The following DLGAP4 variants were observed in gnomAD, a reference collection of about 807,000 sequenced individuals.
The protein encoded by DLGAP4 is DLG associated protein 4.
A neutral mutation model predicts 86.9 loss-of-function variants in DLGAP4; 18 were observed. The ratio of observed to expected loss-of-function variants is 0.21; its 90% confidence interval spans 0.14 to 0.31. The LOEUF is 0.31. Ranked by LOEUF, DLGAP4 falls within the 10% of genes least tolerant of loss-of-function variation. DLGAP4 has a pLI of 1.00. For missense variants in DLGAP4, 1,085 were observed against 1,362.6 expected, an observed-to-expected ratio of 0.80 and a Z score of 3.21; for synonymous variants, 548 against 574.3, an observed-to-expected ratio of 0.95 and a Z score of 0.65.
intron 2 of DLGAP4, among the ~76,000 whole-genome samples, chr20:36,402,760 T>A (rs2032200082): frequency 6.6e-6 from 1 of 152,116 alleles, no homozygotes; most frequent in Non-Finnish European, 1.5e-5. Flanking sequence ...AATTTTTTTT[T>A]ATTAAATACA....
intron 7 of DLGAP4, among the ~76,000 whole-genome samples, chr20:36,494,980 T>G (rs934194757): frequency 1.4e-5 from 2 of 140,004 alleles, no homozygotes; most frequent in Non-Finnish European, 3.1e-5. Context: ...TTTTTTTTTG[T>G]TCGGTTTTTT....
At chr20:36,448,146 G>A (rs1320897765) in intron 7 of DLGAP4, among the ~76,000 whole-genome samples, 1 of 151,934 alleles carries the variant, frequency 6.6e-6, no homozygotes, top group Admixed American at 6.6e-5. Flanking sequence ...GAGCCTAGGA[G>A]TTGGAGACCA....
At chr20:36,447,907 G>T (rs946092043) in intron 7 of DLGAP4, among the ~76,000 whole-genome samples, 1 of 130,312 alleles carries the variant, frequency 7.7e-6, no homozygotes, top group East Asian at 2.7e-4. Flanking sequence ...GGGGTGGGGG[G>T]GGGGGAGACA....
At chr20:36,336,881 C>G (rs1460206449) in intron 1 of DLGAP4, among the ~76,000 whole-genome samples, 1 of 152,220 alleles carries the variant, frequency 6.6e-6, no homozygotes. Context: ...CCACTGGAGC[C>G]CAGCAGACCC....
chr20:36,462,840 C>T (rs2034160811), intron 7 of DLGAP4, among the ~76,000 whole-genome samples: 1 of 152,252 alleles, frequency 6.6e-6, no homozygotes, highest in Non-Finnish European at 1.5e-5. Flanking sequence ...ACGGGCTGGG[C>T]ATCCCTGCCC....
chr20:36,419,985 G>A (rs1449920812), intron 2 of DLGAP4, among the ~76,000 whole-genome samples: 2 of 146,710 alleles, frequency 1.4e-5, no homozygotes, highest in African/African-American at 5.1e-5. Context: ...CCCAGCAGGA[G>A]GAGTTGTAGT....
At chr20:36,480,392 G>A (rs2035133393) in intron 7 of DLGAP4, among the ~76,000 whole-genome samples, 1 of 152,158 alleles carries the variant, frequency 6.6e-6, no homozygotes, top group African/African-American at 2.4e-5. Context: ...TTCGCTGTTT[G>A]TTGATAACAA....
At chr20:36,413,668 C>G (rs917883520) in intron 2 of DLGAP4, among the ~76,000 whole-genome samples, 2 of 151,784 alleles carry the variant, frequency 1.3e-5, no homozygotes, top group Non-Finnish European at 2.9e-5. Flanking sequence ...ATCCACCCTC[C>G]TCGATCTCCC....
intron 1 of DLGAP4, among the ~76,000 whole-genome samples, chr20:36,312,569 G>A (rs991408559): frequency 1.1e-4 from 16 of 152,290 alleles, no homozygotes; most frequent in Middle Eastern, 3.4e-3. Flanking sequence ...TTCTGTCTTT[G>A]ATGATGTGGA....
At chr20:36,514,848 C>T (rs1475025192) in intron 10 of DLGAP4, among the ~76,000 whole-genome samples, 2 of 151,986 alleles carry the variant, frequency 1.3e-5, no homozygotes, top group Non-Finnish European at 2.9e-5. Context: ...GAGAAGGAAT[C>T]GAATTAGTGC....
intron 2 of DLGAP4, among the ~76,000 whole-genome samples, chr20:36,414,915 A>T (rs886787192): frequency 3.3e-5 from 5 of 152,194 alleles, no homozygotes; most frequent in African/African-American, 1.2e-4. Flanking sequence ...AGGAGGGATG[A>T]GGGCCATGCA....
At chr20:36,394,534 G>A (rs1476151172) in intron 2 of DLGAP4, among the ~76,000 whole-genome samples, 1 of 152,218 alleles carries the variant, frequency 6.6e-6, no homozygotes, top group Non-Finnish European at 1.5e-5. Flanking sequence ...CCGGGGCTGT[G>A]TGGGCTGTGG....
At chr20:36,512,144 G>A (rs1226658613) in intron 10 of DLGAP4, among the ~76,000 whole-genome samples, 9 of 146,162 alleles carry the variant, frequency 6.2e-5, no homozygotes, top group East Asian at 2.1e-4. Context: ...TCCACCTCCC[G>A]GATTCATGCC....
chr20:36,456,123 T>C (rs753093342), intron 7 of DLGAP4, among the ~76,000 whole-genome samples: 5 of 152,210 alleles, frequency 3.3e-5, no homozygotes, highest in African/African-American at 4.8e-5. Flanking sequence ...ATTCCTGATC[T>C]AACCCACTTA....
rs535901609 is a variant in DLGAP4, at chr20:36,350,233, G to A, written c.-303-16812G>A. 2.5e-4 allele frequency among the ~76,000 whole-genome samples: 38 copies of A among 152,310 alleles called. 2 individuals carry two copies. The South Asian group carries it at 6.0e-3, about 24-fold the overall frequency. On this transcript the variant is annotated intron_variant, in intron 1 of 12. Transcript: ENST00000339266. This position sits in a 1 kb window ranked among gnomAD's most constrained non-coding sequence, Gnocchi z 4.4. ...TTGCCCTTAGGCCCCCCAGCCCTTC[G>A]GCATCAGTTTCTCTTTGTGTGCTAG...
intron 1 of DLGAP4, among the ~76,000 whole-genome samples, chr20:36,341,731 C>T (rs1486649350): frequency 6.6e-6 from 1 of 152,222 alleles, no homozygotes; most frequent in Non-Finnish European, 1.5e-5. Flanking sequence ...AGGTGCTTGG[C>T]AAATATTGGG....
At position 36,308,285 on chromosome 20, in the gene DLGAP4, C is replaced by CT; in HGVS notation, c.-304+1774dup. ...TGCCAGAGGCCTGGTGAGGCCTGTG[C>CT]TGGGCGCTGGGGAGTGCAATGGCTG... On this transcript the variant is annotated intron_variant, in intron 1 of 12. Transcript: ENST00000339266. This position sits in a 1 kb window ranked among gnomAD's most constrained non-coding sequence, Gnocchi z 4.5. Among the ~76,000 whole-genome samples the CT allele has an allele frequency of 6.6e-6, 1 of 152,334 alleles. No homozygotes were observed. Among genetic ancestry groups the CT allele is most frequent in the East Asian group, 1.9e-4 (1 of 5,186 alleles).
intron 1 of DLGAP4, among the ~76,000 whole-genome samples, chr20:36,347,194 CCCCAGCT>C (rs1274852145): frequency 1.3e-5 from 2 of 152,180 alleles, no homozygotes; most frequent in Non-Finnish European, 2.9e-5. Flanking sequence ...TCATCAGCAA[CCCCAGCT>C]CCCAGCTGGG....
intron 2 of DLGAP4, among the ~76,000 whole-genome samples, chr20:36,367,737 C>T (rs1311602635): frequency 6.6e-6 from 1 of 152,172 alleles, no homozygotes; most frequent in Non-Finnish European, 1.5e-5. Context: ...CATTCCTGCC[C>T]CTCTGGCCTG....
Sources: gnomAD v4.1 joint callset for allele counts (sites outside exome capture counted in the v4.1 genomes callset) on GRCh38, gnomAD v4.1.1 for gene constraint, Gnocchi (gnomAD v3.1) non-coding constraint, MANE v1.5 for transcripts, NCBI Gene and HGNC (gene_info 2026-07-23, HGNC 2026-07-21) for gene names.